Variants in KCTD19 observed in about 807,000 individuals in gnomAD.
KCTD19 encodes the protein potassium channel tetramerization domain containing 19, also known as BTB/POZ domain-containing protein KCTD19.
KCTD19 carries 67 observed loss-of-function variants against 103.5 expected under a neutral mutation model. That is an observed-to-expected ratio of 0.65 (90% confidence interval 0.53 to 0.79). KCTD19 has a LOEUF of 0.79. KCTD19 is among the 30% of genes least tolerant of loss of function. The pLI is 0.00. For synonymous variants in KCTD19, 439 were observed against 452.2 expected (o/e 0.97, Z 0.37); for missense variants, 980 against 1,136.1 (o/e 0.86, Z 1.98).
chr16:67,322,504 T>C (rs992889926), intron 1 of KCTD19, among the ~76,000 whole-genome samples: 5 of 152,158 alleles, frequency 3.3e-5, no homozygotes, highest in African/African-American at 1.2e-4. Flanking sequence ...TTTACTGTGT[T>C]AGCCAGCATG....
rs538897770 is a variant in KCTD19 at position 67,300,044 on chromosome 16, AG to A, written c.776-472del. The A allele has an allele frequency of 9.3e-4, 153 of 163,818 alleles. 2 individuals are homozygous for A. The highest frequency in any genetic ancestry group is 3.1e-3 in the African/African-American group (130 of 41,720). The allele number at this position is 163,818 out of a possible 1,614,324, so 10.1% of individuals were successfully genotyped here. Reference sequence around the variant, plus strand: ...AGACATACTGTGTGGCATTATTTTCAGGGTGGGTATTTGGGTTGCTGGTTTA... The same window carrying A: ...AGACATACTGTGTGGCATTATTTTCAGGTGGGTATTTGGGTTGCTGGTTTA... On this transcript the variant is annotated intron_variant, in intron 5 of 15. Coordinates refer to ENST00000304372, the MANE Select transcript of KCTD19 (RefSeq NM_001100915.3). The surrounding 1 kb of genome is among the most constrained non-coding windows in gnomAD (Gnocchi z 4.5).
In KCTD19 at chr16:67,289,599, G is replaced by T. The variant is rs373147643; in HGVS notation, c.2751C>A (p.Ser917=). The T allele has an allele frequency of 6.2e-6, 10 of 1,613,602 alleles. No individual in the cohort carries two copies. The African/African-American group carries it at 6.7e-5, about 11-fold the overall frequency. ...QRGLSRSVSY[S]ILGKYLQED ...CCTCTTGTAGGTACTTTCCCAGGAT[G>T]GAGTAAGAGACAGACCTAGACAGGC... The change falls in exon 16 of 16, where the codon TCC becomes TCA. Residue 917 remains serine (S), a synonymous_variant. Coordinates refer to ENST00000304372, the MANE Select transcript of KCTD19 (RefSeq NM_001100915.3).
intron 12 of KCTD19, 47 bp from the exon 13 acceptor site, chr16:67,291,884 T>G (rs996909660): frequency 2.1e-5 from 29 of 1,403,116 alleles, no homozygotes; most frequent in Non-Finnish European, 2.5e-5. Flanking sequence ...AAAAAAAATT[T>G]TTTTTCAAGA....
chr16:67,326,505 A>G (rs897670643), intron 1 of KCTD19, 200 bp downstream of exon 1: 1 of 626,648 alleles, frequency 1.6e-6, no homozygotes. Context: ...CCTCAGAGCC[A>G]GAACACTTCA....
Position 67,289,503 on chromosome 16 carries a change from C to T in KCTD19, c.*66G>A, listed in dbSNP as rs2142496047. 1.1e-6 allele frequency: 1 copy of T among 920,840 alleles called. No homozygotes were observed. The highest frequency in any genetic ancestry group is 1.3e-5 in the South Asian group (1 of 74,948). 57.0% of individuals were successfully genotyped at this position (920,840 alleles called of 1,614,324 possible). A position where few individuals can be genotyped will look rare whatever the true frequency, so the allele number is the denominator to read the frequency against. ...GTACCCTCTGATGGGCACATGCATT[C>T]TGGGCTATCTCCAATTAAAATGAGA... On this transcript the variant is annotated 3_prime_UTR_variant, in exon 16 of 16. Coordinates refer to ENST00000304372, the MANE Select transcript of KCTD19 (RefSeq NM_001100915.3).
chr16:67,294,948 T>C (rs1470719990), intron 10 of KCTD19, 25 bp downstream of exon 10: 4 of 1,556,376 alleles, frequency 2.6e-6, no homozygotes, highest in African/African-American at 2.7e-5. Flanking sequence ...ATTCTAAACA[T>C]AGAGTCGTGA....
intron 2 of KCTD19, among the ~76,000 whole-genome samples, chr16:67,310,782 C>T (rs1425099277): frequency 6.6e-6 from 1 of 152,174 alleles, no homozygotes; most frequent in Non-Finnish European, 1.5e-5. Context: ...ATGCCTTATG[C>T]TCTGATGTAG....
chr16:67,305,698 C>A, intron 2 of KCTD19: 1 of 419,352 alleles, frequency 2.4e-6, no homozygotes, highest in East Asian at 7.9e-5. Flanking sequence ...AGTATTTTCC[C>A]AATAAATTTC....
At chr16:67,325,716 C>A (rs879606430) in intron 1 of KCTD19, among the ~76,000 whole-genome samples, 1 of 152,152 alleles carries the variant, frequency 6.6e-6, no homozygotes, top group Non-Finnish European at 1.5e-5. Flanking sequence ...AGAGCTATCG[C>A]AGCCTGGCGA....
chr16:67,323,943 T>C lies in KCTD19; in HGVS notation c.3+2762A>G, dbSNP rs2037102892. On this transcript the variant is annotated intron_variant, in intron 1 of 15. Transcript: ENST00000304372. The surrounding 1 kb of genome is among the most constrained non-coding windows in gnomAD (Gnocchi z 4.1). ...CCATTCCATGGAGCGCATGCAGAAC[T>C]CTCTTGGGATCTTACCTGCAGAGAC... is the stretch of plus-strand genomic sequence containing the variant. Among the ~76,000 whole-genome samples the C allele has an allele frequency of 6.6e-6, 1 of 151,646 alleles. No individual in the cohort carries two copies. Among genetic ancestry groups the C allele is most frequent in the South Asian group, 2.1e-4 (1 of 4,816 alleles).
At chr16:67,291,511 G>A in intron 13 of KCTD19, 48 bp from the exon 14 acceptor site, 1 of 1,594,638 alleles carries the variant, frequency 6.3e-7, no homozygotes, top group African/African-American at 1.3e-5. Context: ...AATAGCTAGG[G>A]CCTTAGAGAC....
Position 67,293,213 on chromosome 16 carries a change from C to T in KCTD19, c.2218+331G>A, listed in dbSNP as rs1044654001. ...ATCACGTCTGCATGTGAAGCCTGGCCTCCAGCTAGACCCATGCCCTGCGCT... is the reference window on the plus strand; with the variant it reads ...ATCACGTCTGCATGTGAAGCCTGGCTTCCAGCTAGACCCATGCCCTGCGCT... On this transcript the variant is annotated intron_variant, in intron 12 of 15. Transcript: ENST00000304372. The surrounding 1 kb of genome is among the most constrained non-coding windows in gnomAD (Gnocchi z 4.0). 6.6e-6 allele frequency among the ~76,000 whole-genome samples: 1 copy of T among 152,188 alleles called. No homozygotes were observed. Among genetic ancestry groups the T allele is most frequent in the Admixed American group, 6.5e-5 (1 of 15,284 alleles).
rs571851539 is a variant in KCTD19, at chr16:67,297,341, C to T, written c.1147+162G>A. Among the ~76,000 whole-genome samples, 4 of 152,292 alleles carry T rather than the reference C, an allele frequency of 2.6e-5. No individual in the cohort carries two copies. The East Asian group carries it at 7.7e-4, about 29-fold the overall frequency. ...TGGGCTTGGAGGTGAGGAGGGAGCA[C>T]TTAATATGAAAGTTTCCCTTTTGTA... On this transcript the variant is annotated intron_variant, in intron 7 of 15. Coordinates refer to ENST00000304372, the MANE Select transcript of KCTD19 (RefSeq NM_001100915.3).
Position 67,325,199 on chromosome 16 carries a change from C to CTTT in KCTD19, c.3+1503_3+1505dup, listed in dbSNP as rs918808425. Among the ~76,000 whole-genome samples, 228 of 132,254 alleles carry CTTT rather than the reference C, an allele frequency of 1.7e-3. 6 individuals carry two copies. The highest frequency in any genetic ancestry group is 9.0e-3 in the South Asian group (39 of 4,338). The allele number at this position is 132,254 out of a possible 152,430, so 86.8% of individuals were successfully genotyped here. On this transcript the variant is annotated intron_variant, in intron 1 of 15. Transcript: ENST00000304372. ...CTTTCTTTCTTTTTTTTCTTTTTTT[C>CTTT]TTTTTTTCTTTTTTTTTTTTTTTGA...
chr16:67,325,979 T>C (rs2142532604), intron 1 of KCTD19: 1 of 145,156 alleles, frequency 6.9e-6, no homozygotes, highest in East Asian at 2.0e-4. Flanking sequence ...CAGGCTGGAG[T>C]GCAGTGGTGC....
At chr16:67,295,201 T>G in intron 9 of KCTD19, 62 bp downstream of exon 9, 2 of 1,592,720 alleles carry the variant, frequency 1.3e-6, no homozygotes, top group Non-Finnish European at 1.7e-6. Context: ...CAGGTCTCCT[T>G]TGTTGCTAAG....
At chr16:67,325,401 TTTTG>T (rs1399496631) in intron 1 of KCTD19, among the ~76,000 whole-genome samples, 1 of 150,688 alleles carries the variant, frequency 6.6e-6, no homozygotes, top group Non-Finnish European at 1.5e-5. Context: ...TTTTATTTTA[TTTTG>T]TTTTATTTTT....
Position 67,303,554 on chromosome 16 carries a change from C to A in KCTD19, c.452-217G>T, listed in dbSNP as rs1262644826. Among the ~76,000 whole-genome samples, 1 of 150,988 alleles carries A rather than the reference C, an allele frequency of 6.6e-6. No homozygotes were observed. Among genetic ancestry groups the A allele is most frequent in the South Asian group, 2.1e-4 (1 of 4,804 alleles). Reference sequence around the variant, plus strand: ...GGGGCATGGAAGTCTATTTTTTTTTCTTTTCTTTTTTGAGATGGAGTCTCA... The same window carrying A: ...GGGGCATGGAAGTCTATTTTTTTTTATTTTCTTTTTTGAGATGGAGTCTCA... On this transcript the variant is annotated intron_variant, in intron 3 of 15. Transcript: ENST00000304372. This position sits in a 1 kb window ranked among gnomAD's most constrained non-coding sequence, Gnocchi z 4.3.
At chr16:67,304,612 A>C (rs2036872496) in intron 2 of KCTD19, 41 bp from the exon 3 acceptor site, 1 of 1,550,522 alleles carries the variant, frequency 6.4e-7, no homozygotes, top group Non-Finnish European at 8.9e-7. Context: ...AATCTAAACC[A>C]AGTAACTATG....
Sources: gnomAD v4.1 joint callset for allele counts (sites outside exome capture counted in the v4.1 genomes callset) on GRCh38, gnomAD v4.1.1 for gene constraint, Gnocchi (gnomAD v3.1) non-coding constraint, MANE v1.5 for transcripts, NCBI Gene and HGNC (gene_info 2026-07-23, HGNC 2026-07-21) for gene names.